The following FUT8 variants were observed in gnomAD, a reference collection of about 807,000 sequenced individuals.
FUT8 encodes the protein fucosyltransferase 8.
FUT8 carries 29 observed loss-of-function variants against 71.3 expected under a neutral mutation model. The ratio of observed to expected loss-of-function variants is 0.41; its 90% confidence interval spans 0.30 to 0.55. The LOEUF (loss-of-function observed/expected upper bound fraction) is 0.55, where lower values mean the gene tolerates loss of function less well. Ranked by LOEUF, FUT8 falls within the 20% of genes least tolerant of loss-of-function variation. The pLI, the probability that FUT8 is intolerant of heterozygous loss-of-function variation, is 0.34. For missense variants in FUT8, 544 were observed against 702.1 expected, an observed-to-expected ratio of 0.77 and a Z score of 2.55; for synonymous variants, 254 against 239.3, an observed-to-expected ratio of 1.06 and a Z score of -0.57.
intron 2 of FUT8, chr14:65,470,956 G>C (rs2066135601): frequency 2.7e-6 from 1 of 377,080 alleles, no homozygotes; most frequent in African/African-American, 2.2e-5. Flanking sequence ...ATCACTATTA[G>C]AGGCTAAAAT....
At chr14:65,491,926 C>T (rs376765532) in intron 2 of FUT8, among the ~76,000 whole-genome samples, 1 of 152,024 alleles carries the variant, frequency 6.6e-6, no homozygotes, top group Non-Finnish European at 1.5e-5. Context: ...AAGAGAAGCT[C>T]TGGTGTCATG....
At chr14:65,512,616 A>G (rs528553429) in intron 2 of FUT8, among the ~76,000 whole-genome samples, 22 of 150,726 alleles carry the variant, frequency 1.5e-4, no homozygotes, top group African/African-American at 4.9e-4. Context: ...TTTGTTTGAA[A>G]TTGTGATATT....
chr14:65,677,152 G>GTGTGTGCA (rs1555383261), intron 7 of FUT8, among the ~76,000 whole-genome samples: 2 of 59,480 alleles, frequency 3.4e-5, no homozygotes, highest in Non-Finnish European at 9.1e-5. Context: ...GTGTGTGTGT[G>GTGTGTGCA]CGCGCGCGCA....
intron 6 of FUT8, among the ~76,000 whole-genome samples, chr14:65,657,396 A>G (rs1180746411): frequency 3.3e-5 from 5 of 152,210 alleles, no homozygotes; most frequent in Non-Finnish European, 5.9e-5. Context: ...ACTTTCCACA[A>G]TAGCCAGGAT....
Position 65,439,954 on chromosome 14 carries a change from GTATATATATATATATATATA to G in FUT8, c.-325-15649_-325-15630del, listed in dbSNP as rs60534547. 3.6e-4 allele frequency among the ~76,000 whole-genome samples: 27 copies of G among 74,974 alleles called. 2 individuals carry two copies. Among genetic ancestry groups the G allele is most frequent in the Middle Eastern group, 7.4e-3 (1 of 136 alleles). The allele number at this position is 74,974 out of a possible 152,430, so 49.2% of individuals were successfully genotyped here. ...ATAAAGAAAATGTGTGTGTGTGTGT[GTATATATATATATATATATA>G]TATATATATATATATATGTACACAC... On this transcript the variant is annotated intron_variant, in intron 1 of 10. Transcript: ENST00000673929.
intron 3 of FUT8, among the ~76,000 whole-genome samples, chr14:65,612,230 T>A (rs1330713532): frequency 6.6e-6 from 1 of 152,232 alleles, no homozygotes; most frequent in African/African-American, 2.4e-5. Context: ...TAAATTTTGT[T>A]CTGGGATGTA....
At chr14:65,545,022 A>G (rs1381587355) in intron 2 of FUT8, among the ~76,000 whole-genome samples, 1 of 128,578 alleles carries the variant, frequency 7.8e-6, no homozygotes, top group East Asian at 2.1e-4. Flanking sequence ...CCTTTCCCCC[A>G]CCTCTCTTTT....
In FUT8 at chr14:65,629,186, C is replaced by T. The variant is rs191798461; in HGVS notation, c.483-306C>T. Among the ~76,000 whole-genome samples the T allele has an allele frequency of 1.1e-4, 17 of 152,296 alleles. No individual in the cohort carries two copies. The East Asian group carries it at 3.1e-3, about 28-fold the overall frequency. On this transcript the variant is annotated intron_variant, in intron 5 of 10. Coordinates refer to ENST00000673929, the MANE Select transcript of FUT8 (RefSeq NM_001371533.1). The stretch of plus-strand genomic sequence containing the variant: ...CTATGTTAATTTACTCATTTGTTTG[C>T]TTTGCGTATTCACTTTCCTCCACAT...
At chr14:65,676,626 C>T (rs556541634) in intron 7 of FUT8, among the ~76,000 whole-genome samples, 1 of 150,726 alleles carries the variant, frequency 6.6e-6, no homozygotes, top group South Asian at 2.1e-4. Context: ...TCCTTCCCTC[C>T]TTCCCTTCCT....
the FUT8 span, among the ~76,000 whole-genome samples, chr14:65,373,367 A>G: frequency 2.5e-4 from 38 of 151,234 alleles, 1 homozygote; most frequent in African/African-American, 9.0e-4. Context: ...CAAGCAGAAG[A>G]GTGGCAGAGT....
chr14:65,411,942 T>G, upstream of FUT8: 2 of 440,114 alleles, frequency 4.5e-6, no homozygotes, highest in South Asian at 3.3e-5. Context: ...GGGCAGCCCT[T>G]CGGTCCACTG....
At chr14:65,595,901 G>A (rs536979761) in intron 3 of FUT8, among the ~76,000 whole-genome samples, 38 of 152,162 alleles carry the variant, frequency 2.5e-4, no homozygotes, top group East Asian at 3.9e-4. Flanking sequence ...GAGCCACCAC[G>A]CGCGGCCCAC....
intron 2 of FUT8, among the ~76,000 whole-genome samples, chr14:65,485,656 T>C (rs1396399194): frequency 6.6e-6 from 1 of 152,220 alleles, no homozygotes; most frequent in African/African-American, 2.4e-5. Context: ...TAATCAGTAC[T>C]GTGCTGAATA....
At chr14:65,551,027 G>GAT (rs1885254129) in intron 2 of FUT8, among the ~76,000 whole-genome samples, 1 of 152,102 alleles carries the variant, frequency 6.6e-6, no homozygotes, top group Admixed American at 6.6e-5. Context: ...GTAAATATTT[G>GAT]ATATATAATG....
intron 7 of FUT8, among the ~76,000 whole-genome samples, chr14:65,693,400 G>C (rs550758060): frequency 1.3e-5 from 2 of 152,166 alleles, no homozygotes; most frequent in Non-Finnish European, 2.9e-5. Context: ...GCAGGCACTC[G>C]GCAGGCTGAG....
chr14:65,448,143 A>G (rs1054421959), intron 1 of FUT8, among the ~76,000 whole-genome samples: 1 of 152,192 alleles, frequency 6.6e-6, no homozygotes, highest in Non-Finnish European at 1.5e-5. Context: ...AGTAGCCAAA[A>G]TATCCAATGG....
intron 3 of FUT8, among the ~76,000 whole-genome samples, chr14:65,575,427 C>T (rs1421898511): frequency 6.6e-6 from 1 of 152,102 alleles, no homozygotes; most frequent in African/African-American, 2.4e-5. Context: ...GCATTAATTT[C>T]ATAGCTGTGA....
intron 6 of FUT8, among the ~76,000 whole-genome samples, chr14:65,658,877 G>A (rs572003713): frequency 2.0e-4 from 31 of 151,948 alleles, no homozygotes; most frequent in Non-Finnish European, 3.2e-4. Context: ...CTGAGTGCAC[G>A]TGAAAACTGG....
intron 1 of FUT8, among the ~76,000 whole-genome samples, chr14:65,414,503 A>G (rs1247708397): frequency 5.9e-5 from 9 of 152,234 alleles, no homozygotes; most frequent in African/African-American, 1.2e-4. Flanking sequence ...CCTATGCCAA[A>G]TAATAAGGCC....
Sources: allele counts gnomAD v4.1 joint callset (sites outside exome capture counted in the v4.1 genomes callset), GRCh38; gene constraint gnomAD v4.1.1; transcripts MANE v1.5; gene names NCBI Gene and HGNC (gene_info 2026-07-23, HGNC 2026-07-21).